Variants in EDEM2 observed in about 807,000 individuals in gnomAD.
EDEM2 encodes the protein ER degradation-enhancing alpha-mannosidase-like protein 2.
EDEM2 carries 39 observed loss-of-function variants against 64.8 expected under a neutral mutation model. The ratio of observed to expected loss-of-function variants is 0.60; its 90% CI spans 0.47 to 0.79. The LOEUF (loss-of-function observed/expected upper bound fraction) is 0.79. Ranked by LOEUF, EDEM2 falls within the 30% of genes least tolerant of loss-of-function variation. The pLI is 0.00. For synonymous variants in EDEM2, 296 were observed against 291.5 expected, an observed-to-expected ratio of 1.02 and a Z score of -0.16; for missense variants, 609 against 731.3, an observed-to-expected ratio of 0.83 and a Z score of 1.93.
intron 7 of EDEM2, among the ~76,000 whole-genome samples, chr20:35,128,420 G>A (rs781206553): frequency 4.0e-5 from 6 of 149,260 alleles, no homozygotes; most frequent in Non-Finnish European, 5.9e-5. Flanking sequence ...TTAGCTGGGC[G>A]TAGTGGTGGG....
chr20:35,119,724 T>C (rs1478270074), intron 9 of EDEM2, among the ~76,000 whole-genome samples: 3 of 152,192 alleles, frequency 2.0e-5, no homozygotes, highest in Admixed American at 6.5e-5. Context: ...ATGCCACAAC[T>C]GGAACTTGAT....
At chr20:35,144,156 G>A (rs766237156) in intron 3 of EDEM2, among the ~76,000 whole-genome samples, 2 of 148,036 alleles carry the variant, frequency 1.4e-5, no homozygotes, top group African/African-American at 2.5e-5. Context: ...CAGTCCTGCC[G>A]CCTTGGCCTC....
intron 7 of EDEM2, among the ~76,000 whole-genome samples, chr20:35,128,984 G>A (rs2146098397): frequency 1.3e-5 from 2 of 152,222 alleles, no homozygotes; most frequent in African/African-American, 4.8e-5. Context: ...ATTATTGGAG[G>A]CCAGGCATGG....
At chr20:35,125,160 C>A (rs1319743120) in intron 8 of EDEM2, among the ~76,000 whole-genome samples, 1 of 151,142 alleles carries the variant, frequency 6.6e-6, no homozygotes, top group Non-Finnish European at 1.5e-5. Context: ...GTAAATGACA[C>A]AATGTCTACC....
At chr20:35,121,562 T>C (rs1271640944) in intron 9 of EDEM2, among the ~76,000 whole-genome samples, 1 of 152,168 alleles carries the variant, frequency 6.6e-6, no homozygotes, top group African/African-American at 2.4e-5. Context: ...ATCCCTGCTC[T>C]AGAGGAAGGA....
intron 8 of EDEM2, 126 bp downstream of exon 8, chr20:35,126,125 C>T: frequency 7.8e-7 from 1 of 1,284,622 alleles, no homozygotes; most frequent in South Asian, 1.5e-5. Context: ...CTCTTCCATC[C>T]TCAACCTGTC....
intron 3 of EDEM2, 94 bp downstream of exon 3, chr20:35,144,885 G>C (rs1389239778): frequency 1.4e-6 from 2 of 1,412,082 alleles, no homozygotes; most frequent in East Asian, 4.6e-5. Flanking sequence ...GCCTAGGAGA[G>C]GAATTCATTT....
At chr20:35,126,422 A>G in intron 7 of EDEM2, 47 bp from the exon 8 acceptor site, 2 of 1,606,560 alleles carry the variant, frequency 1.2e-6, no homozygotes, top group Non-Finnish European at 8.5e-7. Context: ...GATTAGGGAG[A>G]AAAAAGGCAG....
chr20:35,137,841 C>G (rs774300691), intron 5 of EDEM2, 39 bp downstream of exon 5: 57 of 1,605,636 alleles, frequency 3.6e-5, no homozygotes, highest in Middle Eastern at 1.7e-4. Flanking sequence ...GCAGGACCTA[C>G]TGGACTTCGT....
At chr20:35,119,588 C>T (rs991031714) in intron 9 of EDEM2, among the ~76,000 whole-genome samples, 12 of 151,912 alleles carry the variant, frequency 7.9e-5, no homozygotes, top group Admixed American at 4.6e-4. Context: ...AAGAGTGAGA[C>T]CTTATCTCAA....
At chr20:35,131,860 C>G in intron 6 of EDEM2, 77 bp from the exon 7 acceptor site, 1 of 1,545,492 alleles carries the variant, frequency 6.5e-7, no homozygotes. Context: ...CCAACCCTGA[C>G]TGCCCAGGGA....
chr20:35,140,856 C>A (rs983502615), intron 4 of EDEM2, among the ~76,000 whole-genome samples: 7 of 152,054 alleles, frequency 4.6e-5, no homozygotes, highest in Admixed American at 4.6e-4. Flanking sequence ...CAGTGGCTCA[C>A]ACCTATAATC....
intron 3 of EDEM2, among the ~76,000 whole-genome samples, chr20:35,142,993 T>A (rs1424760114): frequency 3.9e-5 from 6 of 152,158 alleles, no homozygotes; most frequent in Non-Finnish European, 7.4e-5. Context: ...CCTGACCTCA[T>A]GATCCACCCG....
intron 9 of EDEM2, among the ~76,000 whole-genome samples, chr20:35,122,155 T>C (rs1317422369): frequency 6.6e-6 from 1 of 152,126 alleles, no homozygotes; most frequent in Non-Finnish European, 1.5e-5. Context: ...GTTGCCTCTG[T>C]TAAGTAGCAA....
chr20:35,125,193 G>T lies in EDEM2; in HGVS notation c.969+1058C>A, dbSNP rs1438861322. On this transcript the variant is annotated intron_variant, in intron 8 of 10. Coordinates refer to ENST00000374492, the MANE Select transcript of EDEM2 (RefSeq NM_018217.3). Reference sequence around the variant, plus strand: ...ACCTGGTTATTCTGGATAGAAACCCGGTGGCCACTTTTTTTTTTTTTTTTT... The same window carrying T: ...ACCTGGTTATTCTGGATAGAAACCCTGTGGCCACTTTTTTTTTTTTTTTTT... Among the ~76,000 whole-genome samples the T allele has an allele frequency of 2.3e-5, 3 of 132,516 alleles. No individual in the cohort carries two copies. The East Asian group carries it at 7.0e-4, about 31-fold the overall frequency. 86.9% of individuals were successfully genotyped at this position (132,516 alleles called of 152,430 possible). A position where few individuals can be genotyped will look rare whatever the true frequency, so the allele number is the denominator to read the frequency against.
intron 8 of EDEM2, among the ~76,000 whole-genome samples, chr20:35,125,008 A>G (rs1360142833): frequency 1.3e-5 from 2 of 152,204 alleles, no homozygotes; most frequent in Non-Finnish European, 2.9e-5. Context: ...TATTAATGTA[A>G]TCTCACAGGG....
chr20:35,115,414 T>TA lies in EDEM2; in HGVS notation c.*18dup. 2.5e-6 allele frequency: 4 copies of TA among 1,585,708 alleles called. No homozygotes were observed. Among genetic ancestry groups the TA allele is most frequent in the Admixed American group, 3.8e-5 (2 of 53,286 alleles). ...TAGTTTAGCCTCAAAAAAATAAAAA[T>TA]AAAAAAATTATCCAGTGGTTATGAG... is the stretch of plus-strand genomic sequence containing the variant. On this transcript the variant is annotated 3_prime_UTR_variant, in exon 11 of 11. Coordinates refer to ENST00000374492, the MANE Select transcript of EDEM2 (RefSeq NM_018217.3).
chr20:35,132,379 G>A (rs911967282), intron 6 of EDEM2, among the ~76,000 whole-genome samples: 5 of 151,930 alleles, frequency 3.3e-5, no homozygotes, highest in South Asian at 4.2e-4. Context: ...CCGGCCAGGC[G>A]CGGTGGCTCA....
At chr20:35,119,477 T>C (rs1786267981) in intron 9 of EDEM2, among the ~76,000 whole-genome samples, 1 of 152,022 alleles carries the variant, frequency 6.6e-6, no homozygotes, top group African/African-American at 2.4e-5. Flanking sequence ...CCTGTAGTCC[T>C]AGCTACTCAG....
Sources: allele counts gnomAD v4.1 joint callset (sites outside exome capture counted in the v4.1 genomes callset), GRCh38; gene constraint gnomAD v4.1.1; transcripts MANE v1.5; gene names NCBI Gene and HGNC (gene_info 2026-07-23, HGNC 2026-07-21).